The following ERBB4 variants were observed in gnomAD, a reference collection of about 807,000 sequenced individuals.
ERBB4 encodes receptor tyrosine-protein kinase erbB-4.
A neutral mutation model predicts 158.0 loss-of-function variants in ERBB4; 42 were observed. That is an observed-to-expected ratio of 0.27 (90% CI 0.21 to 0.34). ERBB4 has a LOEUF of 0.34. Among genes scored for constraint, ERBB4 ranks in the 10% least tolerant of loss-of-function variants. The pLI is 1.00. For missense variants in ERBB4, 1,333 were observed against 1,624.1 expected, an observed-to-expected ratio of 0.82 and a Z score of 3.08; for synonymous variants, 583 against 558.7, an observed-to-expected ratio of 1.04 and a Z score of -0.61.
intron 2 of ERBB4, among the ~76,000 whole-genome samples, chr2:211,990,950 C>T (rs571821167): frequency 1.5e-4 from 23 of 151,744 alleles, no homozygotes; most frequent in East Asian, 5.8e-4. Flanking sequence ...ATTCTTCAAA[C>T]GACAAAATTC....
chr2:212,436,284 C>T (rs866577730), intron 1 of ERBB4, among the ~76,000 whole-genome samples: 2 of 151,796 alleles, frequency 1.3e-5, no homozygotes, highest in Admixed American at 6.6e-5. Flanking sequence ...TTTATATCCG[C>T]TATAGATCAC....
chr2:211,528,551 A>G (rs1275532315), intron 20 of ERBB4, among the ~76,000 whole-genome samples: 1 of 152,114 alleles, frequency 6.6e-6, no homozygotes, highest in African/African-American at 2.4e-5. Context: ...TGGTTGCAGA[A>G]TACAAATTCC....
intron 3 of ERBB4, among the ~76,000 whole-genome samples, chr2:211,796,946 T>A (rs375274648): frequency 6.6e-6 from 1 of 151,840 alleles, no homozygotes; most frequent in Non-Finnish European, 1.5e-5. Flanking sequence ...TTAGAAAAAA[T>A]TAAAACTACA....
intron 2 of ERBB4, among the ~76,000 whole-genome samples, chr2:211,988,344 T>A (rs2081989053): frequency 6.6e-6 from 1 of 152,138 alleles, no homozygotes; most frequent in East Asian, 1.9e-4. Flanking sequence ...CATCCCCTTA[T>A]CCATAAAAGC....
chr2:212,490,879 C>T (rs1337813894), intron 1 of ERBB4, among the ~76,000 whole-genome samples: 3 of 151,716 alleles, frequency 2.0e-5, no homozygotes, highest in African/African-American at 7.2e-5. Flanking sequence ...TAAGCCTCTA[C>T]TACAGTTTTT....
chr2:211,657,595 C>A, intron 16 of ERBB4, 159 bp downstream of exon 16: 5 of 670,532 alleles, frequency 7.5e-6, no homozygotes, highest in Middle Eastern at 4.1e-4. Flanking sequence ...AGAAAGTTGG[C>A]TTGAGAAGGA....
chr2:212,145,727 TAAA>T (rs5838300), intron 1 of ERBB4, among the ~76,000 whole-genome samples: 4,491 of 88,824 alleles, frequency 0.051, 125 homozygotes, highest in South Asian at 0.23. Flanking sequence ...CAGCATGCAG[TAAA>T]AAAAAAAAAA....
At chr2:211,826,878 A>G (rs2105958296) in intron 3 of ERBB4, among the ~76,000 whole-genome samples, 1 of 152,152 alleles carries the variant, frequency 6.6e-6, no homozygotes, top group African/African-American at 2.4e-5. Context: ...TTAAAGAATG[A>G]ATTAAACTTC....
intron 3 of ERBB4, among the ~76,000 whole-genome samples, chr2:211,856,623 G>A (rs1051354729): frequency 3.3e-5 from 5 of 151,968 alleles, no homozygotes; most frequent in Middle Eastern, 3.4e-3. Flanking sequence ...TCCTGGCCTC[G>A]TGATCCGCCC....
At chr2:212,094,990 C>T (rs78816117) in intron 2 of ERBB4, among the ~76,000 whole-genome samples, 1 of 145,132 alleles carries the variant, frequency 6.9e-6, no homozygotes, top group East Asian at 2.0e-4. Context: ...AGCACAATTA[C>T]TAAGTTTCTG....
At chr2:211,731,144 C>G (rs1205625414) in intron 5 of ERBB4, among the ~76,000 whole-genome samples, 1 of 152,068 alleles carries the variant, frequency 6.6e-6, no homozygotes, top group African/African-American at 2.4e-5. Flanking sequence ...AAATGAAATA[C>G]CAGTAGAAAA....
intron 5 of ERBB4, among the ~76,000 whole-genome samples, chr2:211,731,170 C>A (rs1186276262): frequency 6.6e-6 from 1 of 152,060 alleles, no homozygotes; most frequent in Non-Finnish European, 1.5e-5. Flanking sequence ...CTTCTCTCAC[C>A]CAGCAGCTGT....
chr2:212,139,551 A>G (rs900127268), intron 1 of ERBB4, among the ~76,000 whole-genome samples: 1 of 151,912 alleles, frequency 6.6e-6, no homozygotes, highest in Non-Finnish European at 1.5e-5. Flanking sequence ...ATAATTGATG[A>G]TTTTTTTCCT....
At chr2:212,020,799 C>T (rs2076631928) in intron 2 of ERBB4, among the ~76,000 whole-genome samples, 1 of 152,118 alleles carries the variant, frequency 6.6e-6, no homozygotes, top group African/African-American at 2.4e-5. Context: ...ATTGGTATCA[C>T]AGAAACAAAG....
chr2:211,658,243 AAAC>A (rs2071291848), intron 15 of ERBB4, among the ~76,000 whole-genome samples: 3 of 152,216 alleles, frequency 2.0e-5, no homozygotes, highest in Admixed American at 2.0e-4. Flanking sequence ...AATAACTTCC[AAAC>A]GCACAGCTCA....
chr2:212,077,375 A>G (rs1299486959), intron 2 of ERBB4, among the ~76,000 whole-genome samples: 5 of 152,000 alleles, frequency 3.3e-5, no homozygotes, highest in African/African-American at 1.2e-4. Context: ...AACAGTTCAG[A>G]TGCTCATCAA....
intron 1 of ERBB4, among the ~76,000 whole-genome samples, chr2:212,494,748 T>C (rs1400258862): frequency 1.3e-5 from 2 of 152,104 alleles, no homozygotes; most frequent in African/African-American, 4.8e-5. Flanking sequence ...TCTTTTCTAG[T>C]TTTAGTTTAT....
At chr2:211,585,667 G>A (rs888112555) in intron 19 of ERBB4, among the ~76,000 whole-genome samples, 2 of 151,952 alleles carry the variant, frequency 1.3e-5, no homozygotes, top group Non-Finnish European at 2.9e-5. Context: ...GACTTAGAAT[G>A]GATAAGTTGA....
intron 19 of ERBB4, among the ~76,000 whole-genome samples, chr2:211,601,249 G>GAAAA (rs150456989): frequency 1.3e-5 from 2 of 151,484 alleles, no homozygotes; most frequent in African/African-American, 2.4e-5. Flanking sequence ...CTCAGAAAAA[G>GAAAA]AAAAAACATA....
Sources: allele counts gnomAD v4.1 joint callset (sites outside exome capture counted in the v4.1 genomes callset), GRCh38; gene constraint gnomAD v4.1.1; transcripts MANE v1.5; gene names NCBI Gene and HGNC (gene_info 2026-07-23, HGNC 2026-07-21).